The following STPG2 variants were observed in gnomAD, a reference collection of about 807,000 sequenced individuals.
The protein encoded by STPG2 is sperm tail PG-rich repeat containing 2, also known as sperm-tail PG-rich repeat-containing protein 2.
Under a neutral mutation model 54.2 loss-of-function variants are expected in STPG2, and 56 were observed. The observed-to-expected ratio is 1.03, with a 90% CI of 0.83 to 1.29. The LOEUF (loss-of-function observed/expected upper bound fraction) is 1.29, where lower values mean the gene tolerates loss of function less well. Ranked by LOEUF, STPG2 falls within the 50% of genes most tolerant of loss-of-function variation. The pLI, the probability that STPG2 is intolerant of heterozygous loss-of-function variation, is 0.00. For synonymous variants in STPG2, 200 were observed against 181.8 expected (o/e 1.10, Z -0.81); for missense variants, 596 against 544.9 (o/e 1.09, Z -0.93).
At chr4:97,767,544 G>A (rs1023123928) in intron 9 of STPG2, among the ~76,000 whole-genome samples, 1 of 151,908 alleles carries the variant, frequency 6.6e-6, no homozygotes, top group Non-Finnish European at 1.5e-5. Context: ...AGGGAAGGGA[G>A]GAAATAAATA....
At chr4:98,139,335 C>T in intron 1 of STPG2, among the ~76,000 whole-genome samples, 1 of 152,164 alleles carries the variant, frequency 6.6e-6, no homozygotes, top group East Asian at 1.9e-4. Context: ...AGTGGGAGAA[C>T]AGCAGTTAGG....
rs577911648 is a variant in STPG2 at position 97,902,235 on chromosome 4, G to C, written c.1044+41662C>G. 5.3e-5 allele frequency among the ~76,000 whole-genome samples: 8 copies of C among 152,200 alleles called. No homozygotes were observed. The East Asian group carries it at 1.4e-3, about 26-fold the overall frequency. On this transcript the variant is annotated intron_variant, in intron 8 of 10. Transcript: ENST00000295268. ...CAGAGGGGGAAAGCTCTATGACACT[G>C]GTCTTGGAAATAATCTCATGGATCT...
intron 8 of STPG2, among the ~76,000 whole-genome samples, chr4:97,898,722 A>G (rs1731054338): frequency 6.6e-6 from 1 of 151,752 alleles, no homozygotes; most frequent in African/African-American, 2.4e-5. Flanking sequence ...CTTAAGTGCA[A>G]TGAAAGAATC....
At chr4:97,869,849 T>C (rs1312157639) in intron 8 of STPG2, among the ~76,000 whole-genome samples, 1 of 151,624 alleles carries the variant, frequency 6.6e-6, no homozygotes, top group Non-Finnish European at 1.5e-5. Flanking sequence ...GAGCCTCAAA[T>C]ATTTGTCTAC....
intron 5 of STPG2, among the ~76,000 whole-genome samples, chr4:98,097,735 C>A (rs1391327597): frequency 1.3e-5 from 2 of 151,980 alleles, no homozygotes; most frequent in African/African-American, 4.8e-5. Context: ...CTAAAGACTC[C>A]ACAAAAAAAA....
intron 10 of STPG2, among the ~76,000 whole-genome samples, chr4:97,561,864 T>G (rs1322026474): frequency 1.3e-5 from 2 of 152,196 alleles, no homozygotes; most frequent in Non-Finnish European, 2.9e-5. Context: ...TACTTTGAAG[T>G]CAGGTAGCGT....
chr4:97,712,925 A>G (rs1383484427), intron 9 of STPG2, 111 bp from the exon 10 acceptor site: 2 of 607,984 alleles, frequency 3.3e-6, no homozygotes, highest in Non-Finnish European at 5.3e-6. Context: ...GCATGAAACA[A>G]TCTTGAACCC....
intron 5 of STPG2, among the ~76,000 whole-genome samples, chr4:97,988,645 T>A (rs1578759279): frequency 6.6e-6 from 1 of 152,350 alleles, no homozygotes; most frequent in East Asian, 1.9e-4. Context: ...CTCACTCTGT[T>A]ACCCAGGCTG....
intron 4 of STPG2, among the ~76,000 whole-genome samples, chr4:97,520,076 A>G (rs1320804670): frequency 3.3e-5 from 5 of 152,078 alleles, no homozygotes; most frequent in African/African-American, 1.2e-4. Flanking sequence ...AAAGTGGGGG[A>G]AAAACCATAA....
chr4:97,792,450 C>T (rs1727033018), intron 9 of STPG2, among the ~76,000 whole-genome samples: 1 of 152,144 alleles, frequency 6.6e-6, no homozygotes, highest in Non-Finnish European at 1.5e-5. Flanking sequence ...TAACACTTCT[C>T]ACCACCCTCA....
At chr4:97,787,866 A>G (rs1726874259) in intron 9 of STPG2, among the ~76,000 whole-genome samples, 1 of 151,570 alleles carries the variant, frequency 6.6e-6, no homozygotes, top group Non-Finnish European at 1.5e-5. Flanking sequence ...TAAGCTGTCA[A>G]ATTCTTTGGC....
At chr4:97,782,109 G>T (rs551053553) in intron 9 of STPG2, among the ~76,000 whole-genome samples, 1 of 152,252 alleles carries the variant, frequency 6.6e-6, no homozygotes, top group South Asian at 2.1e-4. Context: ...AATCAATAAA[G>T]GGTATTCAAT....
intron 4 of STPG2, among the ~76,000 whole-genome samples, chr4:97,522,339 T>G (rs922738930): frequency 6.6e-6 from 1 of 152,020 alleles, no homozygotes; most frequent in Non-Finnish European, 1.5e-5. Flanking sequence ...AAAATGTTGC[T>G]ATTTTGTTAT....
chr4:98,020,609 G>A (rs1736147545), intron 5 of STPG2, among the ~76,000 whole-genome samples: 1 of 152,106 alleles, frequency 6.6e-6, no homozygotes, highest in Non-Finnish European at 1.5e-5. Flanking sequence ...GCTCCTCCTT[G>A]TACCTCTGGT....
intron 9 of STPG2, among the ~76,000 whole-genome samples, chr4:97,726,393 T>G (rs1346977963): frequency 6.6e-6 from 1 of 151,948 alleles, no homozygotes; most frequent in Non-Finnish European, 1.5e-5. Context: ...GTGAATGTAC[T>G]TAATGCCACT....
chr4:97,878,169 C>T (rs1364551449), intron 8 of STPG2, among the ~76,000 whole-genome samples: 1 of 152,160 alleles, frequency 6.6e-6, no homozygotes, highest in Non-Finnish European at 1.5e-5. Context: ...CAGGGTACAG[C>T]CTCCCTCCCA....
At chr4:97,720,930 C>T (rs1426271828) in intron 9 of STPG2, among the ~76,000 whole-genome samples, 2 of 151,922 alleles carry the variant, frequency 1.3e-5, no homozygotes, top group South Asian at 2.1e-4. Flanking sequence ...TGGGTGAAGG[C>T]TGCCTCTCTG....
At chr4:98,091,572 C>G (rs1738685969) in intron 5 of STPG2, among the ~76,000 whole-genome samples, 1 of 152,016 alleles carries the variant, frequency 6.6e-6, no homozygotes, top group South Asian at 2.1e-4. Flanking sequence ...TTATTTGGAT[C>G]TCATTGTATA....
chr4:97,947,815 G>A (rs571823784), intron 7 of STPG2, among the ~76,000 whole-genome samples: 1 of 152,082 alleles, frequency 6.6e-6, no homozygotes, highest in South Asian at 2.1e-4. Flanking sequence ...CTAGTATTTT[G>A]TTGAGAGTTT....
Sources: allele counts gnomAD v4.1 joint callset (sites outside exome capture counted in the v4.1 genomes callset), GRCh38; gene constraint gnomAD v4.1.1; transcripts MANE v1.5; gene names NCBI Gene and HGNC (gene_info 2026-07-23, HGNC 2026-07-21).